The following LRMDA variants were observed in gnomAD, a reference collection of about 807,000 sequenced individuals.
The protein encoded by LRMDA is leucine-rich melanocyte differentiation-associated protein.
Under a neutral mutation model 29.8 loss-of-function variants are expected in LRMDA, and 18 were observed. The observed-to-expected ratio is 0.60, with a 90% CI of 0.42 to 0.90. The LOEUF (loss-of-function observed/expected upper bound fraction) is 0.90. LRMDA is among the 40% of genes least tolerant of loss of function. The pLI is 0.00. For synonymous variants in LRMDA, 125 were observed against 109.4 expected (o/e 1.14, Z -0.89); for missense variants, 273 against 273.9 (o/e 1.00, Z 0.02).
chr10:76,207,102 T>C (rs554780700), intron 5 of LRMDA, among the ~76,000 whole-genome samples: 1 of 152,308 alleles, frequency 6.6e-6, no homozygotes, highest in South Asian at 2.1e-4. Flanking sequence ...ACTTACTAAT[T>C]GGCACTTTGA....
intron 2 of LRMDA, among the ~76,000 whole-genome samples, chr10:75,527,668 TATA>T (rs1348463434): frequency 3.4e-5 from 5 of 147,656 alleles, no homozygotes; most frequent in African/African-American, 1.2e-4. Flanking sequence ...ACTATATAAT[TATA>T]ATATAAATCA....
chr10:76,243,753 A>T (rs1852322357), intron 5 of LRMDA, among the ~76,000 whole-genome samples: 2 of 152,176 alleles, frequency 1.3e-5, no homozygotes, highest in African/African-American at 4.8e-5. Context: ...TGAGAAAATG[A>T]GCTGTGGAGT....
intron 6 of LRMDA, among the ~76,000 whole-genome samples, chr10:76,384,211 T>G (rs779261745): frequency 1.3e-5 from 2 of 152,190 alleles, no homozygotes; most frequent in Non-Finnish European, 2.9e-5. Flanking sequence ...TTTTTCATAT[T>G]AAAAAACATG....
At chr10:75,838,088 T>A (rs1453569289) in intron 2 of LRMDA, among the ~76,000 whole-genome samples, 1 of 152,096 alleles carries the variant, frequency 6.6e-6, no homozygotes, top group East Asian at 1.9e-4. Context: ...GGCAGGAAAA[T>A]CAACTAAATT....
At chr10:76,302,523 CT>C (rs967608028) in intron 5 of LRMDA, among the ~76,000 whole-genome samples, 1 of 151,494 alleles carries the variant, frequency 6.6e-6, no homozygotes, top group African/African-American at 2.4e-5. Context: ...CGCTTGGTTT[CT>C]TTTTTTTGGG....
At chr10:76,327,732 C>T (rs1840853695) in intron 6 of LRMDA, among the ~76,000 whole-genome samples, 1 of 152,108 alleles carries the variant, frequency 6.6e-6, no homozygotes, top group Non-Finnish European at 1.5e-5. Flanking sequence ...GAAAGGAGAC[C>T]CTGCTTCCTT....
At chr10:75,951,672 C>G (rs1846576562) in intron 2 of LRMDA, among the ~76,000 whole-genome samples, 1 of 152,158 alleles carries the variant, frequency 6.6e-6, no homozygotes, top group South Asian at 2.1e-4. Context: ...GCCTCTAACC[C>G]CCAAATAGTT....
intron 2 of LRMDA, among the ~76,000 whole-genome samples, chr10:75,643,990 A>C (rs116219002): frequency 6.6e-6 from 1 of 152,190 alleles, no homozygotes; most frequent in Non-Finnish European, 1.5e-5. Flanking sequence ...TGGCATGTGA[A>C]TATCTCATCA....
Position 76,326,080 on chromosome 10 carries a change from T to A in LRMDA, c.601+1595T>A, listed in dbSNP as rs112709035. Among the ~76,000 whole-genome samples, 292 of 152,260 alleles carry A rather than the reference T, an allele frequency of 1.9e-3. 3 individuals are homozygous for A. Among genetic ancestry groups the A allele is most frequent in the Non-Finnish European group, 3.5e-3 (237 of 68,010 alleles). The stretch of plus-strand genomic sequence containing the variant: ...TTTTACTGAAGAAAATCCCTACACA[T>A]TTAACATGTTGGTTGCCTGACCAGT... On this transcript the variant is annotated intron_variant, in intron 6 of 6. Coordinates refer to ENST00000611255, the MANE Select transcript of LRMDA (RefSeq NM_001305581.2).
chr10:76,324,317 C>A, intron 5 of LRMDA, 84 bp from the exon 6 acceptor site: 7 of 1,179,290 alleles, frequency 5.9e-6, no homozygotes, highest in Non-Finnish European at 8.9e-6. Flanking sequence ...AGCTCAGATC[C>A]CAAGGAGACA....
At chr10:76,114,128 A>G (rs768023833) in intron 5 of LRMDA, among the ~76,000 whole-genome samples, 4 of 152,162 alleles carry the variant, frequency 2.6e-5, no homozygotes, top group Non-Finnish European at 4.4e-5. Context: ...CTCATTAGCC[A>G]AGGGTGTGGG....
intron 2 of LRMDA, among the ~76,000 whole-genome samples, chr10:75,613,030 C>G (rs2132100598): frequency 6.6e-6 from 1 of 151,906 alleles, no homozygotes; most frequent in East Asian, 1.9e-4. Context: ...ATCCTTCCTT[C>G]TTTTGACGTT....
intron 5 of LRMDA, among the ~76,000 whole-genome samples, chr10:76,096,710 T>C (rs79948771): frequency 0.14 from 21,123 of 152,156 alleles, 1,673 homozygotes; most frequent in Admixed American, 0.21. Context: ...ATTGACATCT[T>C]AACAATATTG....
intron 2 of LRMDA, among the ~76,000 whole-genome samples, chr10:75,573,385 A>G (rs1423985953): frequency 1.3e-5 from 2 of 151,918 alleles, no homozygotes; most frequent in Admixed American, 6.6e-5. Flanking sequence ...GTCATATTCT[A>G]TTTCTCTTTA....
chr10:75,760,916 C>T (rs1003290319), intron 2 of LRMDA, among the ~76,000 whole-genome samples: 7 of 152,074 alleles, frequency 4.6e-5, no homozygotes, highest in African/African-American at 1.7e-4. Flanking sequence ...GGAGAGATGC[C>T]TCAAGTGTGT....
chr10:76,384,015 C>T (rs890186877), intron 6 of LRMDA, among the ~76,000 whole-genome samples: 2 of 151,974 alleles, frequency 1.3e-5, no homozygotes, highest in Non-Finnish European at 2.9e-5. Context: ...TCTCTCTCTC[C>T]CCCTTTCCAT....
At chr10:76,329,839 C>G (rs557238068) in intron 6 of LRMDA, among the ~76,000 whole-genome samples, 1 of 152,234 alleles carries the variant, frequency 6.6e-6, no homozygotes, top group East Asian at 1.9e-4. Context: ...GAAAGAAAAA[C>G]TGTGTTTTTT....
intron 2 of LRMDA, among the ~76,000 whole-genome samples, chr10:75,765,155 G>A (rs1416864892): frequency 6.6e-6 from 1 of 151,828 alleles, no homozygotes; most frequent in Non-Finnish European, 1.5e-5. Context: ...GTAATAACCA[G>A]CTTCATTTAT....
intron 5 of LRMDA, among the ~76,000 whole-genome samples, chr10:76,208,697 G>C (rs1359558363): frequency 6.6e-6 from 1 of 152,132 alleles, no homozygotes; most frequent in Non-Finnish European, 1.5e-5. Context: ...AGGGTAATCT[G>C]TTAGAGCAGC....
Sources: gnomAD v4.1 joint callset for allele counts (sites outside exome capture counted in the v4.1 genomes callset) on GRCh38, gnomAD v4.1.1 for gene constraint, MANE v1.5 for transcripts, NCBI Gene and HGNC (gene_info 2026-07-23, HGNC 2026-07-21) for gene names.